The following UBAP2L variants were observed in gnomAD, a reference collection of about 807,000 sequenced individuals.
UBAP2L encodes ubiquitin associated protein 2 like.
In UBAP2L, 12 loss-of-function variants were observed where a neutral mutation model predicts 130.6. The observed-to-expected ratio is 0.09, with a 90% CI of 0.06 to 0.15. The LOEUF is 0.15. UBAP2L is among the 10% of genes least tolerant of loss of function. UBAP2L has a pLI of 1.00. For synonymous variants in UBAP2L, 503 were observed against 524.7 expected, an observed-to-expected ratio of 0.96 and a Z score of 0.57; for missense variants, 965 against 1,332.5, an observed-to-expected ratio of 0.72 and a Z score of 4.29.
intron 15 of UBAP2L, 121 bp from the exon 16 acceptor site, chr1:154,254,715 T>C: frequency 9.2e-7 from 1 of 1,092,448 alleles, no homozygotes; most frequent in Non-Finnish European, 1.3e-6. Context: ...ATCCTTTTGG[T>C]TAATTTACAG....
chr1:154,268,517 G>T (rs1210630764), intron 25 of UBAP2L, among the ~76,000 whole-genome samples: 1 of 152,192 alleles, frequency 6.6e-6, no homozygotes, highest in Non-Finnish European at 1.5e-5. Flanking sequence ...CAGGTTTGTA[G>T]CATCCCTGTT....
chr1:154,220,351 G>A (rs761188540), upstream of UBAP2L: 5 of 1,614,202 alleles, frequency 3.1e-6, no homozygotes, highest in Middle Eastern at 1.6e-4. Context: ...CCAGGCTCCC[G>A]TAGGCCATCA....
Position 154,270,313 on chromosome 1 carries a change from C to G in UBAP2L, c.*18C>G. Reference sequence around the variant, plus strand: ...CCAACTGAGGCCCTGACCCTCTTCTCCCGGTCCCATCTTCTGAGAGGGCTT... The same window carrying G: ...CCAACTGAGGCCCTGACCCTCTTCTGCCGGTCCCATCTTCTGAGAGGGCTT... On this transcript the variant is annotated 3_prime_UTR_variant, in exon 27 of 27. Coordinates refer to ENST00000428931, the MANE Select transcript of UBAP2L (RefSeq NM_014847.4). 2 of 1,613,846 alleles carry G rather than the reference C, an allele frequency of 1.2e-6. No individual in the cohort carries two copies. Among genetic ancestry groups the G allele is most frequent in the South Asian group, 2.2e-5 (2 of 91,070 alleles).
Position 154,254,870 on chromosome 1 carries a change from A to G in UBAP2L, c.1889A>G (p.Gln630Arg), listed in dbSNP as rs1679090252. Reference protein sequence around the residue: ...GFSSVQATQLQTTQSVEGATG... With the variant: ...GFSSVQATQLRTTQSVEGATG... ...AGTTCTGTGCAGGCCACGCAGTTACAGACCACACAATCTGTTGAAGGTGAG... is the reference window on the plus strand; with the variant it reads ...AGTTCTGTGCAGGCCACGCAGTTACGGACCACACAATCTGTTGAAGGTGAG... The change falls in exon 16 of 27, where the codon CAG becomes CGG. Residue 630 changes from glutamine to arginine, a missense_variant. Physicochemically the swap from Gln to Arg is conservative, Grantham distance 43. Coordinates refer to ENST00000428931, the MANE Select transcript of UBAP2L (RefSeq NM_014847.4). 6.3e-6 allele frequency: 10 copies of G among 1,599,706 alleles called. No homozygotes were observed. Among genetic ancestry groups the G allele is most frequent in the Non-Finnish European group, 8.5e-6 (10 of 1,176,570 alleles).
chr1:154,258,363 A>G (rs1172976896), intron 20 of UBAP2L, among the ~76,000 whole-genome samples: 1 of 152,234 alleles, frequency 6.6e-6, no homozygotes, highest in Non-Finnish European at 1.5e-5. Context: ...TTCCTGACTC[A>G]ATCTGGGACT....
intron 26 of UBAP2L, 139 bp from the exon 27 acceptor site, chr1:154,270,061 C>A: frequency 1.8e-6 from 2 of 1,124,354 alleles, no homozygotes; most frequent in African/African-American, 1.6e-5. Flanking sequence ...CTATGCAGAC[C>A]AAATTTTCTA....
intron 4 of UBAP2L, among the ~76,000 whole-genome samples, chr1:154,230,042 GTCTC>G (rs1050276159): frequency 6.6e-6 from 1 of 151,660 alleles, no homozygotes; most frequent in African/African-American, 2.4e-5. Flanking sequence ...TTGAGACGGT[GTCTC>G]TCTCTGTCTC....
At chr1:154,261,723 G>T in intron 24 of UBAP2L, 26 bp downstream of exon 24, 1 of 1,607,596 alleles carries the variant, frequency 6.2e-7, no homozygotes, top group East Asian at 2.2e-5. Flanking sequence ...CTCTGGCTCG[G>T]TGTTATCTGT....
intron 24 of UBAP2L, chr1:154,263,592 C>T: frequency 1.2e-6 from 1 of 833,176 alleles, no homozygotes; most frequent in Non-Finnish European, 1.4e-6. Context: ...CCTTTTTAAT[C>T]AAACCCCAGC....
At chr1:154,242,498 A>G (rs913281122) in intron 9 of UBAP2L, among the ~76,000 whole-genome samples, 2 of 152,240 alleles carry the variant, frequency 1.3e-5, no homozygotes, top group Non-Finnish European at 2.9e-5. Context: ...CGCTTAAGCA[A>G]CTTTCAGAGA....
intron 24 of UBAP2L, chr1:154,263,512 G>A (rs1417505307): frequency 1.7e-5 from 18 of 1,039,320 alleles, no homozygotes; most frequent in African/African-American, 3.4e-5. Context: ...TAACTCTGGC[G>A]TTCTTTCCGT....
At position 154,255,675 on chromosome 1, in the gene UBAP2L, T is replaced by C; in HGVS notation, c.2085-8T>C. The C allele has an allele frequency of 6.2e-7, 1 of 1,614,182 alleles. No homozygotes were observed. Among genetic ancestry groups the C allele is most frequent in the Non-Finnish European group, 8.5e-7 (1 of 1,180,022 alleles). On this transcript the variant is annotated splice_region_variant and splice_polypyrimidine_tract_variant and intron_variant, in intron 17 of 26. Transcript: ENST00000428931. ...TATGGCTGATGGCAGCCTCTTTTTT[T>C]CTGACAGCACGTTATCTACGCAGCA...
intron 4 of UBAP2L, among the ~76,000 whole-genome samples, chr1:154,233,925 A>G (rs763811730): frequency 7.2e-5 from 11 of 151,920 alleles, no homozygotes; most frequent in South Asian, 2.1e-4. Flanking sequence ...GGGACCAATA[A>G]CTTGGTCCTT....
Position 154,246,634 on chromosome 1 carries a change from C to T in UBAP2L, c.1014+259C>T, listed in dbSNP as rs189358842. Among the ~76,000 whole-genome samples the T allele has an allele frequency of 2.6e-5, 4 of 152,280 alleles. No individual in the cohort carries two copies. In the East Asian group the frequency reaches 7.7e-4, roughly 29 times the overall value. The stretch of plus-strand genomic sequence containing the variant: ...ACTACTCATTGTGCTGAATGAACAC[C>T]ATTTGCCATTACTCTTGAGAGAAAA... On this transcript the variant is annotated intron_variant, in intron 11 of 26. Coordinates refer to ENST00000428931, the MANE Select transcript of UBAP2L (RefSeq NM_014847.4).
chr1:154,261,579 T>C lies in UBAP2L; in HGVS notation c.2797-13T>C. ...TGCCAAGTCACTGCAAATCTGGCCTTTTTGCTCTTTAGGTGGCTCCTACCT... is the reference window on the plus strand; with the variant it reads ...TGCCAAGTCACTGCAAATCTGGCCTCTTTGCTCTTTAGGTGGCTCCTACCT... On this transcript the variant is annotated splice_polypyrimidine_tract_variant and intron_variant, in intron 23 of 26. Coordinates refer to ENST00000428931, the MANE Select transcript of UBAP2L (RefSeq NM_014847.4). 1 of 1,613,702 alleles carries C rather than the reference T, an allele frequency of 6.2e-7. No individual in the cohort carries two copies. Among genetic ancestry groups the C allele is most frequent in the African/African-American group, 1.3e-5 (1 of 74,994 alleles).
At chr1:154,228,750 G>A (rs1298389122) in intron 4 of UBAP2L, 25 bp downstream of exon 4, 1 of 1,558,272 alleles carries the variant, frequency 6.4e-7, no homozygotes, top group South Asian at 1.1e-5. Context: ...GAGTGTTCTA[G>A]GACATGGGTC....
At chr1:154,226,615 C>CTCTAGGAAT (rs1348881179) in intron 2 of UBAP2L, among the ~76,000 whole-genome samples, 1 of 152,240 alleles carries the variant, frequency 6.6e-6, no homozygotes, top group African/African-American at 2.4e-5. Flanking sequence ...GTATTCTAAG[C>CTCTAGGAAT]TCTAGGAATA....
upstream of UBAP2L, chr1:154,220,599 C>G: frequency 1.6e-6 from 1 of 614,200 alleles, no homozygotes; most frequent in Non-Finnish European, 2.9e-6. Context: ...AGAACGACGC[C>G]TTCCAGCTTC....
intron 1 of UBAP2L, 32 bp from the exon 2 acceptor site, chr1:154,225,052 T>C: frequency 6.5e-7 from 1 of 1,541,024 alleles, no homozygotes; most frequent in Non-Finnish European, 8.9e-7. Context: ...TTTGCCCACA[T>C]TTAATACCTA....
Sources: gnomAD v4.1 joint callset for allele counts (sites outside exome capture counted in the v4.1 genomes callset) on GRCh38, gnomAD v4.1.1 for gene constraint, MANE v1.5 for transcripts, NCBI Gene and HGNC (gene_info 2026-07-23, HGNC 2026-07-21) for gene names.